Variants in HAPLN1 observed in about 807,000 individuals in gnomAD.
The protein encoded by HAPLN1 is hyaluronan and proteoglycan link protein 1.
In HAPLN1, 13 loss-of-function variants were observed where a neutral mutation model predicts 36.5. The observed-to-expected ratio is 0.36, with a 90% CI of 0.23 to 0.57. HAPLN1 has a LOEUF of 0.57. Among genes scored for constraint, HAPLN1 ranks in the 20% least tolerant of loss-of-function variants. HAPLN1 has a pLI of 0.83. For synonymous variants in HAPLN1, 202 were observed against 169.8 expected, an observed-to-expected ratio of 1.19 and a Z score of -1.48; for missense variants, 407 against 439.7, an observed-to-expected ratio of 0.93 and a Z score of 0.66.
chr5:83,700,240 A>G (rs1448746138), intron 1 of HAPLN1, among the ~76,000 whole-genome samples: 1 of 151,878 alleles, frequency 6.6e-6, no homozygotes, highest in Non-Finnish European at 1.5e-5. Flanking sequence ...ACCACAACAA[A>G]AATTACATGT....
chr5:83,709,783 G>C (rs2112637355), intron 1 of HAPLN1, among the ~76,000 whole-genome samples: 1 of 152,302 alleles, frequency 6.6e-6, no homozygotes, highest in East Asian at 1.9e-4. Context: ...CTTTAGAACA[G>C]TGACTCTAGC....
intron 3 of HAPLN1, among the ~76,000 whole-genome samples, chr5:83,651,307 C>A (rs1263789659): frequency 2.0e-5 from 3 of 152,144 alleles, no homozygotes; most frequent in African/African-American, 7.2e-5. Flanking sequence ...ACCTTCCATG[C>A]CCCTTTGATA....
intron 2 of HAPLN1, among the ~76,000 whole-genome samples, chr5:83,664,670 A>AC (rs1704210676): frequency 6.6e-6 from 1 of 152,190 alleles, no homozygotes; most frequent in African/African-American, 2.4e-5. Flanking sequence ...GATGTGAGCC[A>AC]CTGTGTCTTC....
At chr5:83,682,537 T>C (rs1751029567) in intron 1 of HAPLN1, 1 of 152,218 alleles carries the variant, frequency 6.6e-6, no homozygotes, top group Non-Finnish European at 1.5e-5. Flanking sequence ...CTTCATGCAG[T>C]CAATCCTCAT....
intron 1 of HAPLN1, among the ~76,000 whole-genome samples, chr5:83,706,911 C>G (rs1751665944): frequency 6.6e-6 from 1 of 152,112 alleles, no homozygotes; most frequent in African/African-American, 2.4e-5. Context: ...ACAAAAATCA[C>G]TAGCATTCCT....
chr5:83,677,255 G>A (rs1464702401), intron 1 of HAPLN1, among the ~76,000 whole-genome samples: 1 of 152,160 alleles, frequency 6.6e-6, no homozygotes, highest in Non-Finnish European at 1.5e-5. Context: ...GTCTTAGGGT[G>A]GTGAGGTACC....
At chr5:83,652,398 A>T in intron 3 of HAPLN1, 55 bp downstream of exon 3, 1 of 1,530,530 alleles carries the variant, frequency 6.5e-7, no homozygotes, top group Non-Finnish European at 8.8e-7. Context: ...TTCATGAAAA[A>T]AAAAGCAACT....
intron 1 of HAPLN1, among the ~76,000 whole-genome samples, chr5:83,693,682 A>G (rs1446877827): frequency 6.6e-6 from 1 of 151,946 alleles, no homozygotes; most frequent in Non-Finnish European, 1.5e-5. Context: ...GAGACACTAT[A>G]TTAAAATCAG....
At chr5:83,695,579 T>C (rs1046187095) in intron 1 of HAPLN1, among the ~76,000 whole-genome samples, 1 of 147,092 alleles carries the variant, frequency 6.8e-6, no homozygotes, top group Non-Finnish European at 1.5e-5. Context: ...TATAAATATA[T>C]ATAGAGATAA....
chr5:83,661,734 C>T (rs1267728725), intron 2 of HAPLN1, among the ~76,000 whole-genome samples: 1 of 151,726 alleles, frequency 6.6e-6, no homozygotes, highest in East Asian at 2.0e-4. Context: ...TGAGCAACGG[C>T]ACCCGGCCCA....
At chr5:83,671,118 T>G (rs778369491) in intron 2 of HAPLN1, among the ~76,000 whole-genome samples, 33 of 152,130 alleles carry the variant, frequency 2.2e-4, no homozygotes, top group Non-Finnish European at 7.3e-5. Flanking sequence ...CCCATACACA[T>G]GGAACTCAAA....
intron 1 of HAPLN1, among the ~76,000 whole-genome samples, chr5:83,687,463 G>A (rs193021646): frequency 6.6e-6 from 1 of 152,282 alleles, no homozygotes; most frequent in Admixed American, 6.5e-5. Context: ...ATTCAACAAT[G>A]TTTTAGGAGC....
intron 3 of HAPLN1, among the ~76,000 whole-genome samples, chr5:83,647,903 A>C (rs1426206463): frequency 6.6e-6 from 1 of 152,220 alleles, no homozygotes; most frequent in Middle Eastern, 3.2e-3. Context: ...TGCTATGCAC[A>C]TATCTGAAAT....
At chr5:83,709,069 G>A (rs564548234) in intron 1 of HAPLN1, among the ~76,000 whole-genome samples, 29 of 152,128 alleles carry the variant, frequency 1.9e-4, no homozygotes, top group African/African-American at 7.0e-4. Flanking sequence ...AGCAAAGACG[G>A]GTTTTCACCA....
At chr5:83,697,267 G>A (rs976343085) in intron 1 of HAPLN1, among the ~76,000 whole-genome samples, 43 of 152,070 alleles carry the variant, frequency 2.8e-4, no homozygotes, top group African/African-American at 1.0e-3. Context: ...CAGATGTATT[G>A]ACTGATGTAA....
At chr5:83,720,504 T>C (rs139145465) in intron 1 of HAPLN1, among the ~76,000 whole-genome samples, 191 of 152,326 alleles carry the variant, frequency 1.3e-3, no homozygotes, top group African/African-American at 4.5e-3. Context: ...TTGGAAACCA[T>C]GACCCTACCA....
chr5:83,663,718 T>C (rs1391066079), intron 2 of HAPLN1, among the ~76,000 whole-genome samples: 1 of 152,030 alleles, frequency 6.6e-6, no homozygotes, highest in Admixed American at 6.5e-5. Context: ...CATGCCAGAC[T>C]CTAGCAGCTG....
At chr5:83,673,331 C>A (rs1367045981) in intron 2 of HAPLN1, 93 bp downstream of exon 2, 2 of 837,758 alleles carry the variant, frequency 2.4e-6, no homozygotes, top group Non-Finnish European at 3.8e-6. Context: ...GTCAATGCAG[C>A]AGAACTAAAA....
chr5:83,661,586 A>G (rs1750393143), intron 2 of HAPLN1, among the ~76,000 whole-genome samples: 2 of 151,868 alleles, frequency 1.3e-5, no homozygotes, highest in Non-Finnish European at 1.5e-5. Flanking sequence ...CTGGGACTAC[A>G]GGCGTCTGCC....
Sources: allele counts gnomAD v4.1 joint callset (sites outside exome capture counted in the v4.1 genomes callset), GRCh38; gene constraint gnomAD v4.1.1; transcripts MANE v1.5; gene names NCBI Gene and HGNC (gene_info 2026-07-23, HGNC 2026-07-21).